The following CELF2 variants were observed in gnomAD, a reference collection of about 807,000 sequenced individuals.
The protein encoded by CELF2 is CUGBP Elav-like family member 2.
In CELF2, 8 loss-of-function variants were observed where a neutral mutation model predicts 62.6. That is an observed-to-expected ratio of 0.13 (90% confidence interval 0.07 to 0.23). The LOEUF (loss-of-function observed/expected upper bound fraction) is 0.23, where lower values mean the gene tolerates loss of function less well. CELF2 is among the 10% of genes least tolerant of loss of function. CELF2 has a pLI of 1.00. For synonymous variants in CELF2, 258 were observed against 250.0 expected (o/e 1.03, Z -0.30); for missense variants, 333 against 671.0 (o/e 0.50, Z 5.56).
At chr10:10,694,569 C>G in the CELF2 span, among the ~76,000 whole-genome samples, 1,305 of 151,930 alleles carry the variant, frequency 8.6e-3, 18 homozygotes, top group African/African-American at 0.03. Context: ...GGTATCCTTG[C>G]TGACTTTCTG....
the CELF2 span, among the ~76,000 whole-genome samples, chr10:10,538,249 T>A: frequency 1.3e-5 from 2 of 149,844 alleles, no homozygotes; most frequent in Non-Finnish European, 1.5e-5. Flanking sequence ...CCCCCATGTC[T>A]CCTTCCTGCC....
At chr10:11,140,487 C>G (rs775714477) in intron 1 of CELF2, among the ~76,000 whole-genome samples, 6 of 151,994 alleles carry the variant, frequency 3.9e-5, no homozygotes, top group Non-Finnish European at 8.8e-5. Flanking sequence ...AATAGTCACC[C>G]GTCCATCCAC....
chr10:10,686,254 G>A, the CELF2 span, among the ~76,000 whole-genome samples: 2 of 124,574 alleles, frequency 1.6e-5, no homozygotes, highest in African/African-American at 6.2e-5. Flanking sequence ...AGCTTTACCT[G>A]GAAACTTAAT....
chr10:10,570,028 C>A, the CELF2 span, among the ~76,000 whole-genome samples: 1 of 152,154 alleles, frequency 6.6e-6, no homozygotes, highest in Non-Finnish European at 1.5e-5. Context: ...CCCAACCTCT[C>A]TAGATAACAG....
intron 2 of CELF2, among the ~76,000 whole-genome samples, chr10:10,996,762 C>T (rs1461474050): frequency 2.0e-5 from 3 of 152,120 alleles, no homozygotes; most frequent in Non-Finnish European, 4.4e-5. Context: ...TCCTCCAGAT[C>T]CCATTTTTTT....
At chr10:11,248,951 C>T (rs2076370506) in intron 3 of CELF2, among the ~76,000 whole-genome samples, 1 of 152,232 alleles carries the variant, frequency 6.6e-6, no homozygotes, top group Non-Finnish European at 1.5e-5. Flanking sequence ...TTCTGTGTTA[C>T]AGGGCCCCGT....
At chr10:11,234,770 A>C (rs1015717062) in intron 3 of CELF2, among the ~76,000 whole-genome samples, 9 of 151,470 alleles carry the variant, frequency 5.9e-5, no homozygotes, top group Non-Finnish European at 1.2e-4. Flanking sequence ...CCTCATCCCC[A>C]TCGCAATCCT....
At chr10:10,982,830 T>C (rs1250125720) in intron 2 of CELF2, among the ~76,000 whole-genome samples, 1 of 152,176 alleles carries the variant, frequency 6.6e-6, no homozygotes, top group African/African-American at 2.4e-5. Context: ...TACCCTCAAA[T>C]CTTCAACTTT....
Position 11,270,933 on chromosome 10 carries a change from G to A in CELF2, c.777+109G>A, listed in dbSNP as rs2083567413. 1 of 1,055,218 alleles carries A rather than the reference G, an allele frequency of 9.5e-7. No individual in the cohort carries two copies. The highest frequency in any genetic ancestry group is 3.4e-5 in the Admixed American group (1 of 29,368). 65.4% of individuals were successfully genotyped at this position (1,055,218 alleles called of 1,614,324 possible). A position where few individuals can be genotyped will look rare whatever the true frequency, so the allele number is the denominator to read the frequency against. The stretch of plus-strand genomic sequence containing the variant: ...GTTTTCAGTACATTTTCAATCTCGG[G>A]GAATTATTGAAATCAGCATTTATGC... On this transcript the variant is annotated intron_variant, in intron 7 of 12. Coordinates refer to ENST00000633077, the MANE Select transcript of CELF2 (RefSeq NM_001326342.2). The surrounding 1 kb of genome is among the most constrained non-coding windows in gnomAD (Gnocchi z 5.8).
the CELF2 span, among the ~76,000 whole-genome samples, chr10:10,694,030 T>C: frequency 6.7e-6 from 1 of 150,162 alleles, no homozygotes; most frequent in East Asian, 2.0e-4. Context: ...GCTCTGATTT[T>C]AGTTATTTCT....
chr10:10,931,638 G>A lies in CELF2; in HGVS notation c.89+11639G>A, dbSNP rs148049782. ...TTTATTTCCAAATTAGGCTTTCAAC[G>A]TAATAGGTTTCTGCGTATGGTTTAC... On this transcript the variant is annotated intron_variant, in intron 2 of 13. Coordinates refer to the CELF2 transcript ENST00000636488. The surrounding 1 kb of genome is among the most constrained non-coding windows in gnomAD (Gnocchi z 6.1). 8.9e-4 allele frequency among the ~76,000 whole-genome samples: 135 copies of A among 152,252 alleles called. No homozygotes were observed. Among genetic ancestry groups the A allele is most frequent in the African/African-American group, 1.3e-3 (55 of 41,540 alleles).
At chr10:10,688,673 G>A in the CELF2 span, among the ~76,000 whole-genome samples, 2 of 152,028 alleles carry the variant, frequency 1.3e-5, no homozygotes, top group African/African-American at 2.4e-5. Flanking sequence ...AAACCAACTC[G>A]TGATGATATA....
the CELF2 span, among the ~76,000 whole-genome samples, chr10:10,538,399 G>A: frequency 6.6e-6 from 1 of 152,144 alleles, no homozygotes; most frequent in South Asian, 2.1e-4. Context: ...TGGATTGAGA[G>A]GGCCAAGTAG....
In CELF2 at chr10:11,224,357, T is replaced by A. The variant is rs571382727; in HGVS notation, c.354+6850T>A. On this transcript the variant is annotated intron_variant, in intron 3 of 12. Transcript: ENST00000633077. This position sits in a 1 kb window ranked among gnomAD's most constrained non-coding sequence, Gnocchi z 4.5. Reference sequence around the variant, plus strand: ...GGGATACTGGTATCTCATTAGTATCTTGTGAGGGGATGGTAGGATGGTACA... The same window carrying A: ...GGGATACTGGTATCTCATTAGTATCATGTGAGGGGATGGTAGGATGGTACA... Among the ~76,000 whole-genome samples, 40 of 151,960 alleles carry A rather than the reference T, an allele frequency of 2.6e-4. No homozygotes were observed. Among genetic ancestry groups the A allele is most frequent in the Non-Finnish European group, 5.3e-4 (36 of 68,034 alleles).
At chr10:10,796,359 G>A (rs2054139125), upstream of CELF2, among the ~76,000 whole-genome samples, 1 of 152,214 alleles carries the variant, frequency 6.6e-6, no homozygotes, top group African/African-American at 2.4e-5. Flanking sequence ...TACTGTATCT[G>A]TTTCTGTACT....
At chr10:10,939,928 T>C (rs1336511279) in intron 2 of CELF2, among the ~76,000 whole-genome samples, 2 of 152,128 alleles carry the variant, frequency 1.3e-5, no homozygotes, top group Non-Finnish European at 2.9e-5. Flanking sequence ...CACTCTAGCC[T>C]GGGTGACAGA....
At chr10:10,611,170 T>C in the CELF2 span, among the ~76,000 whole-genome samples, 2 of 152,058 alleles carry the variant, frequency 1.3e-5, no homozygotes, top group African/African-American at 4.8e-5. Context: ...TGTGGCCTCA[T>C]GCAGATGCGG....
At chr10:10,576,737 A>G in the CELF2 span, among the ~76,000 whole-genome samples, 1 of 152,090 alleles carries the variant, frequency 6.6e-6, no homozygotes, top group African/African-American at 2.4e-5. Flanking sequence ...ATCCACTCTG[A>G]TCTTCTCTCA....
At chr10:10,967,427 C>T (rs1299181393) in intron 2 of CELF2, among the ~76,000 whole-genome samples, 1 of 152,214 alleles carries the variant, frequency 6.6e-6, no homozygotes, top group Non-Finnish European at 1.5e-5. Context: ...CATAGAATTA[C>T]AGACTGTGTT....
Sources: gnomAD v4.1 joint callset for allele counts (sites outside exome capture counted in the v4.1 genomes callset) on GRCh38, gnomAD v4.1.1 for gene constraint, Gnocchi (gnomAD v3.1) non-coding constraint, MANE v1.5 for transcripts, NCBI Gene and HGNC (gene_info 2026-07-23, HGNC 2026-07-21) for gene names.